RBFOX1: variants seen among roughly 807,000 people sequenced by gnomAD.
RBFOX1 encodes the protein RNA binding protein fox-1 homolog 1.
A neutral mutation model predicts 57.7 loss-of-function variants in RBFOX1; 8 were observed. The observed-to-expected ratio is 0.14, with a 90% CI of 0.08 to 0.25. The LOEUF (loss-of-function observed/expected upper bound fraction) is 0.25. RBFOX1 is among the 10% of genes least tolerant of loss of function. The pLI is 1.00. For missense variants in RBFOX1, 611 were observed against 548.5 expected, an observed-to-expected ratio of 1.11 and a Z score of -1.14; for synonymous variants, 326 against 222.4, an observed-to-expected ratio of 1.47 and a Z score of -4.15.
rs551095736 is a variant in RBFOX1 at position 6,192,851 on chromosome 16, T to C, written c.-126-124144T>C. ...TTATTATCATTAATAAAAAGCATCT[T>C]TATTGAGATCCATCTCATAAGATGC... On this transcript the variant is annotated intron_variant, in intron 1 of 15. Transcript: ENST00000550418. Among the ~76,000 whole-genome samples, 4 of 152,302 alleles carry C rather than the reference T, an allele frequency of 2.6e-5. No individual in the cohort carries two copies. The South Asian group carries it at 6.2e-4, about 24-fold the overall frequency.
At chr16:6,055,399 C>A (rs2095602144) in intron 1 of RBFOX1, among the ~76,000 whole-genome samples, 1 of 151,730 alleles carries the variant, frequency 6.6e-6, no homozygotes, top group Non-Finnish European at 1.5e-5. Flanking sequence ...TCTAGACCCG[C>A]CTGGCCAATA....
intron 3 of RBFOX1, among the ~76,000 whole-genome samples, chr16:7,009,883 G>T (rs763649618): frequency 2.0e-4 from 31 of 152,146 alleles, no homozygotes; most frequent in Non-Finnish European, 3.8e-4. Context: ...GGCTATTTTG[G>T]TGCCGTTTAG....
At chr16:7,654,610 G>A (rs2065873950) in intron 12 of RBFOX1, among the ~76,000 whole-genome samples, 1 of 152,012 alleles carries the variant, frequency 6.6e-6, no homozygotes, top group Non-Finnish European at 1.5e-5. Flanking sequence ...CCAGGCGAAT[G>A]TCAAGGAATG....
At chr16:7,177,192 A>G (rs1282597048) in intron 4 of RBFOX1, among the ~76,000 whole-genome samples, 4 of 152,204 alleles carry the variant, frequency 2.6e-5, no homozygotes, top group Non-Finnish European at 5.9e-5. Flanking sequence ...CACATGGAGA[A>G]TAGCGACAAT....
intron 3 of RBFOX1, among the ~76,000 whole-genome samples, chr16:5,859,891 CTCAGGT>C (rs1254051833): frequency 6.6e-6 from 1 of 152,154 alleles, no homozygotes; most frequent in Non-Finnish European, 1.5e-5. Flanking sequence ...CATGAGTTGA[CTCAGGT>C]TTCTTGGTGA....
At chr16:6,344,407 C>CTTTCTTTTTT (rs1555635139) in intron 2 of RBFOX1, among the ~76,000 whole-genome samples, 2 of 109,842 alleles carry the variant, frequency 1.8e-5, no homozygotes, top group South Asian at 2.8e-4. Flanking sequence ...TCTTTTTTTT[C>CTTTCTTTTTT]TTTTTTTTTT....
intron 1 of RBFOX1, among the ~76,000 whole-genome samples, chr16:6,050,686 T>C (rs1309769594): frequency 6.6e-6 from 1 of 152,044 alleles, no homozygotes; most frequent in Non-Finnish European, 1.5e-5. Flanking sequence ...CTTCATGGAG[T>C]TACCGGAGTA....
intron 3 of RBFOX1, among the ~76,000 whole-genome samples, chr16:6,682,410 T>TA (rs3214354): frequency 0.074 from 11,147 of 150,992 alleles, 861 homozygotes; most frequent in East Asian, 0.4. Context: ...TTGTGAAGAC[T>TA]AAAAAAAAAG....
At chr16:5,766,820 C>G (rs572084027) in intron 3 of RBFOX1, among the ~76,000 whole-genome samples, 2 of 152,212 alleles carry the variant, frequency 1.3e-5, no homozygotes, top group African/African-American at 4.8e-5. Flanking sequence ...GCCCTCTGCT[C>G]TCTATCCCTC....
intron 3 of RBFOX1, among the ~76,000 whole-genome samples, chr16:6,727,474 C>T (rs556142104): frequency 3.1e-4 from 47 of 151,846 alleles, no homozygotes; most frequent in African/African-American, 1.1e-3. Context: ...CCAGATGAAG[C>T]ACAGGGCAAA....
At chr16:7,317,976 G>A (rs1008266250) in intron 4 of RBFOX1, among the ~76,000 whole-genome samples, 1 of 152,126 alleles carries the variant, frequency 6.6e-6, no homozygotes, top group South Asian at 2.1e-4. Context: ...TGGTGATGGT[G>A]GTGGTGATAG....
intron 1 of RBFOX1, among the ~76,000 whole-genome samples, chr16:6,296,405 A>C (rs2078107578): frequency 6.6e-6 from 1 of 151,256 alleles, no homozygotes; most frequent in South Asian, 2.1e-4. Context: ...TGTTACGATT[A>C]AGCGGGGAGG....
At chr16:7,445,971 C>G (rs1363135594) in intron 4 of RBFOX1, among the ~76,000 whole-genome samples, 2 of 152,178 alleles carry the variant, frequency 1.3e-5, no homozygotes, top group African/African-American at 4.8e-5. Context: ...TAAAGAAGCC[C>G]ATTTCAAGAG....
In RBFOX1 at chr16:7,710,796, A is replaced by G. The variant is rs371476561; in HGVS notation, c.*51A>G. 1.4e-6 allele frequency: 2 copies of G among 1,447,366 alleles called. No homozygotes were observed. Among genetic ancestry groups the G allele is most frequent in the Admixed American group, 2.5e-5 (1 of 40,452 alleles). The allele number at this position is 1,447,366 out of a possible 1,614,324, so 89.7% of individuals were successfully genotyped here. On this transcript the variant is annotated 3_prime_UTR_variant, in exon 16 of 16. Transcript: ENST00000550418. ...ATGTGGGGAGAAAGGAAGCTTTCCG[A>G]GGCCTGAGTATTGCAATACATGCAG... is the stretch of plus-strand genomic sequence containing the variant.
At chr16:6,852,729 G>T (rs1379019855) in intron 3 of RBFOX1, among the ~76,000 whole-genome samples, 1 of 150,630 alleles carries the variant, frequency 6.6e-6, no homozygotes, top group Non-Finnish European at 1.5e-5. Flanking sequence ...CGTGGGCTGG[G>T]AACTAGCTGT....
chr16:5,302,608 G>C (rs12932568), intron 1 of RBFOX1, among the ~76,000 whole-genome samples: 16 of 151,974 alleles, frequency 1.1e-4, no homozygotes, highest in African/African-American at 3.9e-4. Context: ...TCTGTTAATA[G>C]GTACAGCATA....
chr16:6,215,818 A>T (rs1036644314), intron 1 of RBFOX1, among the ~76,000 whole-genome samples: 5 of 152,148 alleles, frequency 3.3e-5, no homozygotes, highest in African/African-American at 9.7e-5. Flanking sequence ...GACTGCATAA[A>T]CATCCCAATG....
chr16:6,684,716 C>G lies in RBFOX1; in HGVS notation c.-16+30066C>G, dbSNP rs575912598. On this transcript the variant is annotated intron_variant, in intron 3 of 15. Transcript: ENST00000550418. ...AAATTAAAGATCACCTTAAATTGTG[C>G]ATGAGGGCCTAGCCCCCTGTCGTGA... 6.8e-4 allele frequency among the ~76,000 whole-genome samples: 103 copies of G among 152,300 alleles called. 2 individuals are homozygous for G. The highest frequency in any genetic ancestry group is 2.3e-3 in the African/African-American group (96 of 41,572).
intron 4 of RBFOX1, among the ~76,000 whole-genome samples, chr16:5,950,421 G>T (rs976054393): frequency 6.6e-6 from 1 of 152,152 alleles, no homozygotes; most frequent in African/African-American, 2.4e-5. Flanking sequence ...CACATTGGCA[G>T]TTCCACATTG....
Sources: gnomAD v4.1 joint callset for allele counts (sites outside exome capture counted in the v4.1 genomes callset) on GRCh38, gnomAD v4.1.1 for gene constraint, MANE v1.5 for transcripts, NCBI Gene and HGNC (gene_info 2026-07-23, HGNC 2026-07-21) for gene names.